FAM167A: variants seen among roughly 807,000 people sequenced by gnomAD.
FAM167A encodes the protein family with sequence similarity 167 member A, also known as protein FAM167A.
In FAM167A, 23 loss-of-function variants were observed where a neutral mutation model predicts 14.9. The ratio of observed to expected loss-of-function variants is 1.55; its 90% CI spans 1.11 to 2.19. FAM167A has a LOEUF of 2.19. Among genes scored for constraint, FAM167A ranks in the 30% most tolerant of loss-of-function variants. The probability of loss-of-function intolerance (pLI) is 0.00; values close to 1 mark genes in which losing one functional copy is unlikely to be tolerated. For missense variants in FAM167A, 401 were observed against 281.5 expected, an observed-to-expected ratio of 1.42 and a Z score of -3.04; for synonymous variants, 174 against 117.7, an observed-to-expected ratio of 1.48 and a Z score of -3.10.
At chr8:11,455,732 G>C (rs1310951383) in intron 1 of FAM167A, among the ~76,000 whole-genome samples, 1 of 25,584 alleles carries the variant, frequency 3.9e-5, no homozygotes, top group Non-Finnish European at 9.5e-5. Flanking sequence ...TGTGAGTGTC[G>C]GGGGTGGTTG....
intron 1 of FAM167A, among the ~76,000 whole-genome samples, chr8:11,458,856 C>T (rs1807431133): frequency 1.3e-5 from 2 of 151,932 alleles, no homozygotes; most frequent in South Asian, 2.1e-4. Flanking sequence ...CCCAGCAGAA[C>T]CTAAAGAGCT....
upstream of FAM167A, among the ~76,000 whole-genome samples, chr8:11,470,312 T>TGTGGTGTCTC (rs1807917751): frequency 6.6e-6 from 1 of 151,992 alleles, no homozygotes; most frequent in African/African-American, 2.4e-5. Flanking sequence ...TGTGGTGTCT[T>TGTGGTGTCTC]GGGGAAGGGT....
intron 1 of FAM167A, among the ~76,000 whole-genome samples, chr8:11,473,193 A>G (rs1388697099): frequency 6.6e-6 from 1 of 152,220 alleles, no homozygotes; most frequent in East Asian, 1.9e-4. Context: ...TGCAGGAGCG[A>G]GGACACAGGG....
At chr8:11,431,952 TGGCC>T (rs1418468151) in intron 2 of FAM167A, among the ~76,000 whole-genome samples, 1 of 147,912 alleles carries the variant, frequency 6.8e-6, no homozygotes, top group Non-Finnish European at 1.5e-5. Flanking sequence ...CCCGAGAGGC[TGGCC>T]GGGGTGACTC....
intron 2 of FAM167A, among the ~76,000 whole-genome samples, chr8:11,430,819 G>A (rs564316559): frequency 9.2e-5 from 14 of 152,286 alleles, no homozygotes; most frequent in East Asian, 3.9e-4. Context: ...GAGGAAAAAC[G>A]CAAGGGGAAG....
chr8:11,458,779 C>T (rs904693649), intron 1 of FAM167A, among the ~76,000 whole-genome samples: 5 of 151,236 alleles, frequency 3.3e-5, no homozygotes, highest in African/African-American at 1.2e-4. Context: ...GTAAGGCGAA[C>T]TAAGGGAAAA....
chr8:11,436,677 C>G (rs981782192), intron 2 of FAM167A, among the ~76,000 whole-genome samples: 2 of 152,248 alleles, frequency 1.3e-5, no homozygotes, highest in South Asian at 2.1e-4. Flanking sequence ...AAGGTGATAA[C>G]TGTCCTATGG....
chr8:11,428,043 A>G (rs1315821123), intron 2 of FAM167A, among the ~76,000 whole-genome samples: 1 of 152,240 alleles, frequency 6.6e-6, no homozygotes, highest in Non-Finnish European at 1.5e-5. Flanking sequence ...GCCTTAGTAC[A>G]GTCATCTGTC....
chr8:11,438,267 C>A (rs1806177681), intron 2 of FAM167A: 1 of 403,616 alleles, frequency 2.5e-6, no homozygotes, highest in South Asian at 1.8e-5. Context: ...TGCAAGACAG[C>A]CAGGAAAGGG....
intron 2 of FAM167A, among the ~76,000 whole-genome samples, chr8:11,429,980 C>G (rs917093791): frequency 6.6e-6 from 1 of 152,212 alleles, no homozygotes; most frequent in Non-Finnish European, 1.5e-5. Context: ...TCCTTTCTCT[C>G]CAGGCCAAGG....
At chr8:11,427,314 A>G (rs996879302) in intron 2 of FAM167A, among the ~76,000 whole-genome samples, 5 of 152,192 alleles carry the variant, frequency 3.3e-5, no homozygotes, top group Non-Finnish European at 5.9e-5. Context: ...CAGTTGTGAC[A>G]TGGTACATAG....
At chr8:11,449,979 C>G (rs1229369752) in intron 1 of FAM167A, among the ~76,000 whole-genome samples, 1 of 152,246 alleles carries the variant, frequency 6.6e-6, no homozygotes, top group Non-Finnish European at 1.5e-5. Flanking sequence ...GCTGACCCAT[C>G]CCCTCCACAC....
At chr8:11,424,688 G>C in intron 2 of FAM167A, 52 bp from the exon 3 acceptor site, 2 of 1,595,906 alleles carry the variant, frequency 1.3e-6, no homozygotes, top group Non-Finnish European at 1.7e-6. Context: ...TCGAGTCCCT[G>C]ACAGGCACAG....
At chr8:11,426,521 CAA>C (rs1805170095) in intron 2 of FAM167A, among the ~76,000 whole-genome samples, 3 of 152,158 alleles carry the variant, frequency 2.0e-5, no homozygotes, top group African/African-American at 4.8e-5. Context: ...CACTGTAAAC[CAA>C]AAGTGTCTGA....
chr8:11,464,199 T>C (rs912196094), intron 1 of FAM167A, among the ~76,000 whole-genome samples: 1 of 152,140 alleles, frequency 6.6e-6, no homozygotes, highest in South Asian at 2.1e-4. Flanking sequence ...TCTTTCTCCA[T>C]GCTTGTCCTT....
At position 11,462,400 on chromosome 8, in the gene FAM167A, A is replaced by G. The variant is rs563540593; in HGVS notation, c.-398+4226T>C. ...TACCTCACAGTCTTGGAAGGACCAAATGAGATCAAGTTTACGTGAATTTTT... is the reference window on the plus strand; with the variant it reads ...TACCTCACAGTCTTGGAAGGACCAAGTGAGATCAAGTTTACGTGAATTTTT... On this transcript the variant is annotated intron_variant, in intron 1 of 2. Transcript: ENST00000284486. 5.9e-5 allele frequency among the ~76,000 whole-genome samples: 9 copies of G among 152,316 alleles called. No individual in the cohort carries two copies. In the South Asian group the frequency reaches 1.9e-3, roughly 32 times the overall value.
chr8:11,427,790 T>C (rs1318738436), intron 2 of FAM167A, among the ~76,000 whole-genome samples: 1 of 152,216 alleles, frequency 6.6e-6, no homozygotes, highest in Non-Finnish European at 1.5e-5. Context: ...TTAAAGTTCA[T>C]AGCCACATTC....
At chr8:11,445,599 T>A (rs1806738475) in intron 1 of FAM167A, 1 of 985,390 alleles carries the variant, frequency 1.0e-6, no homozygotes, top group Non-Finnish European at 1.2e-6. Flanking sequence ...AGCTATGGGA[T>A]CTGATGTGGC....
Position 11,428,999 on chromosome 8 carries a change from C to A in FAM167A, c.382-4363G>T, listed in dbSNP as rs1216696682. On this transcript the variant is annotated intron_variant, in intron 2 of 2. Transcript: ENST00000284486. ...ACAACATAGAAGTTATCATCTTAAC[C>A]ATTTTTAAGTGTACAGCTCGGTGGC... 3.3e-5 allele frequency among the ~76,000 whole-genome samples: 5 copies of A among 152,146 alleles called. No individual in the cohort carries two copies. The South Asian group carries it at 1.0e-3, about 32-fold the overall frequency.
Sources: allele counts gnomAD v4.1 joint callset (sites outside exome capture counted in the v4.1 genomes callset), GRCh38; gene constraint gnomAD v4.1.1; transcripts MANE v1.5; gene names NCBI Gene and HGNC (gene_info 2026-07-23, HGNC 2026-07-21).